Variants in SLC25A21 observed in about 807,000 individuals in gnomAD.
SLC25A21 encodes mitochondrial 2-oxodicarboxylate carrier.
SLC25A21 carries 47 observed loss-of-function variants against 43.8 expected under a neutral mutation model. The observed-to-expected ratio is 1.07, with a 90% CI of 0.85 to 1.37. The LOEUF is 1.37. Among genes scored for constraint, SLC25A21 ranks in the 40% most tolerant of loss-of-function variants. SLC25A21 has a pLI of 0.00. For missense variants in SLC25A21, 352 were observed against 350.2 expected (o/e 1.00, Z -0.04); for synonymous variants, 131 against 121.3 (o/e 1.08, Z -0.52).
chr14:37,107,138 T>G (rs1962929494), intron 1 of SLC25A21, among the ~76,000 whole-genome samples: 1 of 152,112 alleles, frequency 6.6e-6, no homozygotes, highest in Non-Finnish European at 1.5e-5. Context: ...TAATTATTAC[T>G]ATTTTTTTTA....
intron 7 of SLC25A21, among the ~76,000 whole-genome samples, chr14:36,687,353 C>A (rs1183690881): frequency 6.6e-6 from 1 of 152,116 alleles, no homozygotes; most frequent in Non-Finnish European, 1.5e-5. Context: ...TTACAAAATA[C>A]AGATGCCTGG....
At chr14:36,754,937 T>C (rs1885868195) in intron 3 of SLC25A21, among the ~76,000 whole-genome samples, 1 of 152,144 alleles carries the variant, frequency 6.6e-6, no homozygotes, top group African/African-American at 2.4e-5. Flanking sequence ...AAATTGAATT[T>C]AGAAAACTCA....
chr14:36,750,941 C>T (rs1367479239), intron 3 of SLC25A21, among the ~76,000 whole-genome samples: 2 of 152,156 alleles, frequency 1.3e-5, no homozygotes, highest in Admixed American at 6.5e-5. Context: ...TCTCTGGCCT[C>T]TGAGACCAGG....
At chr14:36,808,535 C>T (rs1212018700) in intron 3 of SLC25A21, among the ~76,000 whole-genome samples, 1 of 152,096 alleles carries the variant, frequency 6.6e-6, no homozygotes, top group South Asian at 2.1e-4. Flanking sequence ...TAAAGATTAG[C>T]CATTCACAGC....
chr14:37,010,806 G>GT (rs1310240224), intron 1 of SLC25A21, among the ~76,000 whole-genome samples: 1 of 152,144 alleles, frequency 6.6e-6, no homozygotes, highest in African/African-American at 2.4e-5. Flanking sequence ...GTGCAGTGGT[G>GT]TAATGAGAGA....
intron 7 of SLC25A21, among the ~76,000 whole-genome samples, chr14:36,710,533 C>T (rs1490411715): frequency 1.3e-5 from 2 of 152,076 alleles, no homozygotes; most frequent in East Asian, 1.9e-4. Context: ...TGGGCTCAAG[C>T]GCTCCTCCCA....
intron 1 of SLC25A21, among the ~76,000 whole-genome samples, chr14:37,154,990 T>A (rs1389888654): frequency 6.6e-6 from 1 of 152,010 alleles, no homozygotes; most frequent in Admixed American, 6.6e-5. Context: ...GAAGAATTCA[T>A]TGAAAGAAAT....
rs543081387 is a variant in SLC25A21 at position 36,971,673 on chromosome 14, T to C, written c.71-96669A>G. Among the ~76,000 whole-genome samples, 12 of 152,176 alleles carry C rather than the reference T, an allele frequency of 7.9e-5. No homozygotes were observed. The South Asian group carries it at 2.3e-3, about 29-fold the overall frequency. ...TCTCCTCTCTCCTTTCTTCTGCCTA[T>C]TAAACTTTCCACTCCTTAACCCACC... is the stretch of plus-strand genomic sequence containing the variant. On this transcript the variant is annotated intron_variant, in intron 1 of 9. Coordinates refer to ENST00000331299, the MANE Select transcript of SLC25A21 (RefSeq NM_030631.4).
rs903001576 is a variant in SLC25A21, at chr14:37,117,982, C to A, written c.70+54299G>T. 2.0e-5 allele frequency among the ~76,000 whole-genome samples: 3 copies of A among 150,874 alleles called. No homozygotes were observed. The Admixed American group carries it at 2.0e-4, about 10-fold the overall frequency. Reference sequence around the variant, plus strand: ...AAATGATTCTTTTTTGTATGGATTCCCCTCCTCCCAAAAAGCTTAATTTAT... The same window carrying A: ...AAATGATTCTTTTTTGTATGGATTCACCTCCTCCCAAAAAGCTTAATTTAT... On this transcript the variant is annotated intron_variant, in intron 1 of 9. Coordinates refer to ENST00000331299, the MANE Select transcript of SLC25A21 (RefSeq NM_030631.4).
At chr14:37,053,419 G>T (rs544486121) in intron 1 of SLC25A21, among the ~76,000 whole-genome samples, 1 of 152,152 alleles carries the variant, frequency 6.6e-6, no homozygotes, top group Admixed American at 6.5e-5. Flanking sequence ...GCTATTTTTA[G>T]AACTAAGACC....
chr14:36,861,506 C>T (rs969740966), intron 2 of SLC25A21, among the ~76,000 whole-genome samples: 1 of 152,172 alleles, frequency 6.6e-6, no homozygotes, highest in East Asian at 1.9e-4. Flanking sequence ...GGTTTTCTCA[C>T]GCTGCAGGGA....
At chr14:36,780,415 T>C (rs1002796399) in intron 3 of SLC25A21, among the ~76,000 whole-genome samples, 15 of 152,052 alleles carry the variant, frequency 9.9e-5, no homozygotes, top group Non-Finnish European at 1.9e-4. Flanking sequence ...CCATGAGACA[T>C]GAAGTTAATT....
chr14:37,053,324 T>C (rs112370254), intron 1 of SLC25A21, among the ~76,000 whole-genome samples: 85 of 152,306 alleles, frequency 5.6e-4, no homozygotes, highest in Non-Finnish European at 1.1e-3. Context: ...CCATGAGCTT[T>C]TGCAGAGGAA....
At chr14:36,868,454 C>T (rs1463832728) in intron 2 of SLC25A21, among the ~76,000 whole-genome samples, 1 of 152,292 alleles carries the variant, frequency 6.6e-6, no homozygotes, top group African/African-American at 2.4e-5. Flanking sequence ...ACTTGTCATG[C>T]GGCTGGCCTC....
chr14:37,042,848 C>A (rs1214755711), intron 1 of SLC25A21, among the ~76,000 whole-genome samples: 2 of 152,188 alleles, frequency 1.3e-5, no homozygotes, highest in Admixed American at 6.5e-5. Context: ...CATACTGGAG[C>A]CTGCCAACTC....
At chr14:36,786,013 G>A (rs1209485470) in intron 3 of SLC25A21, among the ~76,000 whole-genome samples, 2 of 152,148 alleles carry the variant, frequency 1.3e-5, no homozygotes, top group Admixed American at 1.3e-4. Flanking sequence ...TATTTCTTGG[G>A]GACAAATGTG....
intron 1 of SLC25A21, among the ~76,000 whole-genome samples, chr14:37,019,201 G>A (rs184385325): frequency 6.6e-6 from 1 of 152,014 alleles, no homozygotes; most frequent in Admixed American, 6.6e-5. Flanking sequence ...TTGGTTCCTT[G>A]ATTACTATAC....
At chr14:36,966,979 T>C (rs989411593) in intron 1 of SLC25A21, among the ~76,000 whole-genome samples, 1 of 152,202 alleles carries the variant, frequency 6.6e-6, no homozygotes, top group African/African-American at 2.4e-5. Context: ...TATTTCTCTA[T>C]ATAGAAATAT....
At chr14:36,846,792 T>C (rs1262468960) in intron 2 of SLC25A21, among the ~76,000 whole-genome samples, 2 of 152,098 alleles carry the variant, frequency 1.3e-5, no homozygotes, top group Admixed American at 1.3e-4. Context: ...GACACAGGAG[T>C]GAACAAGACA....
Sources: allele counts gnomAD v4.1 joint callset (sites outside exome capture counted in the v4.1 genomes callset), GRCh38; gene constraint gnomAD v4.1.1; transcripts MANE v1.5; gene names NCBI Gene and HGNC (gene_info 2026-07-23, HGNC 2026-07-21).